DRC3: variants seen among roughly 807,000 people sequenced by gnomAD.
DRC3 encodes the protein dynein regulatory complex subunit 3.
DRC3 carries 45 observed loss-of-function variants against 57.6 expected under a neutral mutation model. The ratio of observed to expected loss-of-function variants is 0.78; its 90% CI spans 0.62 to 1.00. The LOEUF (loss-of-function observed/expected upper bound fraction) is 1.00. DRC3 is among the 50% of genes least tolerant of loss of function. The pLI is 0.00. For synonymous variants in DRC3, 257 were observed against 272.3 expected (o/e 0.94, Z 0.55); for missense variants, 655 against 675.2 (o/e 0.97, Z 0.33).
chr17:17,990,003 G>A (rs895086831), intron 5 of DRC3, among the ~76,000 whole-genome samples: 3 of 152,228 alleles, frequency 2.0e-5, no homozygotes, highest in Admixed American at 6.5e-5. Flanking sequence ...CTTCAAGGAC[G>A]TGAGTTCCTT....
intron 4 of DRC3, among the ~76,000 whole-genome samples, chr17:17,987,214 C>CAAAAAAAA (rs1046062123): frequency 2.2e-5 from 1 of 45,188 alleles, no homozygotes; most frequent in African/African-American, 9.4e-5. Context: ...GACCCTGTCT[C>CAAAAAAAA]AAAAAAAAAA....
Position 18,016,566 on chromosome 17 carries a change from GGAT to G in DRC3, c.1470_1472del (p.Asp490del), listed in dbSNP as rs2044371613. 1 of 1,611,720 alleles carries G rather than the reference GGAT, an allele frequency of 6.2e-7. No individual in the cohort carries two copies. The highest frequency in any genetic ancestry group is 8.5e-7 in the Non-Finnish European group (1 of 1,178,094). On this transcript the variant is annotated inframe_deletion, in exon 14 of 14. Coordinates refer to ENST00000399187, the MANE Select transcript of DRC3 (RefSeq NM_031294.4). Reference sequence around the variant, plus strand: ...TTGGTTTCACTCCTCAGATTCACAAGGATGAGATCATGAGGAACCGCAAGCGCG... The same window carrying G: ...TTGGTTTCACTCCTCAGATTCACAAGGAGATCATGAGGAACCGCAAGCGCG...
chr17:17,976,003 A>T (rs2042369641), intron 2 of DRC3, among the ~76,000 whole-genome samples: 1 of 152,134 alleles, frequency 6.6e-6, no homozygotes, highest in Admixed American at 6.5e-5. Context: ...GTATGGCCCA[A>T]CCTGGCTTTT....
intron 5 of DRC3, among the ~76,000 whole-genome samples, chr17:17,991,342 G>A (rs1385460559): frequency 5.0e-5 from 6 of 120,486 alleles, no homozygotes; most frequent in Non-Finnish European, 6.3e-5. Context: ...CCAGGCTGTA[G>A]TGCAGTGGTG....
chr17:17,992,173 G>C (rs1040289723), intron 5 of DRC3, among the ~76,000 whole-genome samples: 3 of 152,192 alleles, frequency 2.0e-5, no homozygotes, highest in African/African-American at 7.2e-5. Context: ...TACTCGGGAG[G>C]CTGAGGCACG....
At position 18,003,484 on chromosome 17, in the gene DRC3, TAAAAAAAAAAAAAAAA is replaced by T. The variant is rs71155309; in HGVS notation, c.1000-862_1000-847del. Among the ~76,000 whole-genome samples, 265 of 30,148 alleles carry T rather than the reference TAAAAAAAAAAAAAAAA, an allele frequency of 8.8e-3. 1 individual carries two copies. The highest frequency in any genetic ancestry group is 0.014 in the Admixed American group (25 of 1,760). 19.8% of individuals were successfully genotyped at this position (30,148 alleles called of 152,430 possible). On this transcript the variant is annotated intron_variant, in intron 9 of 13. Coordinates refer to ENST00000399187, the MANE Select transcript of DRC3 (RefSeq NM_031294.4). Reference sequence around the variant, plus strand: ...GGGTGACAGAGTGAGACTACGTCTTTAAAAAAAAAAAAAAAAAAAAAAAAAAAAAAAAGAATGGTTT... The same window carrying T: ...GGGTGACAGAGTGAGACTACGTCTTTAAAAAAAAAAAAAAAAGAATGGTTT...
At chr17:17,989,275 G>A (rs1362741406) in intron 5 of DRC3, among the ~76,000 whole-genome samples, 1 of 152,188 alleles carries the variant, frequency 6.6e-6, no homozygotes, top group Non-Finnish European at 1.5e-5. Context: ...CCTGGACGAG[G>A]TCAAAGGTGT....
chr17:18,013,984 G>A (rs1386532844), intron 12 of DRC3, among the ~76,000 whole-genome samples: 1 of 147,450 alleles, frequency 6.8e-6, no homozygotes, highest in Non-Finnish European at 1.5e-5. Context: ...CCAGGCTGTA[G>A]TGCAGTGGTG....
rs547044809 is a variant in DRC3 at position 17,987,928 on chromosome 17, C to T, written c.278-4C>T. On this transcript the variant is annotated splice_polypyrimidine_tract_variant and splice_region_variant and intron_variant, in intron 4 of 13. Transcript: ENST00000399187. ...AGACCCTCACAGCCCTCTCTTCTTC[C>T]CAGATCTGTCTTTCAACAACATTGA... 3 of 1,613,744 alleles carry T rather than the reference C, an allele frequency of 1.9e-6. No individual in the cohort carries two copies. In the African/African-American group the frequency reaches 4.0e-5, roughly 22 times the overall value.
At chr17:18,009,147 A>G (rs2044083346) in intron 12 of DRC3, among the ~76,000 whole-genome samples, 1 of 152,244 alleles carries the variant, frequency 6.6e-6, no homozygotes, top group Admixed American at 6.5e-5. Context: ...TGCTCTGACT[A>G]TATGAGTAAT....
At chr17:17,990,999 T>C (rs536818046) in intron 5 of DRC3, among the ~76,000 whole-genome samples, 2 of 151,826 alleles carry the variant, frequency 1.3e-5, no homozygotes, top group South Asian at 4.2e-4. Flanking sequence ...CTAAAAAAAA[T>C]AATAATAAAT....
rs778175185 is a variant in DRC3 at position 17,992,987 on chromosome 17, A to AT, written c.591+78dup. The AT allele has an allele frequency of 3.3e-6, 5 of 1,524,714 alleles. No homozygotes were observed. The South Asian group carries it at 4.6e-5, about 14-fold the overall frequency. 94.4% of individuals were successfully genotyped at this position (1,524,714 alleles called of 1,614,324 possible). Reference sequence around the variant, plus strand: ...CCCCCAGGTTTCTTGGAAAAGGGGCATTGAAGAGTAGCTTCCCCTGCCCAC... The same window carrying AT: ...CCCCCAGGTTTCTTGGAAAAGGGGCATTTGAAGAGTAGCTTCCCCTGCCCAC... On this transcript the variant is annotated intron_variant, in intron 6 of 13. Transcript: ENST00000399187.
intron 12 of DRC3, 90 bp downstream of exon 12, chr17:18,007,237 C>T: frequency 4.6e-6 from 3 of 652,046 alleles, no homozygotes; most frequent in East Asian, 8.4e-5. Context: ...GCCTGACAAC[C>T]TCCCAGAGCC....
chr17:17,975,568 T>C (rs971010782), intron 2 of DRC3, among the ~76,000 whole-genome samples: 1 of 123,964 alleles, frequency 8.1e-6, no homozygotes, highest in African/African-American at 3.1e-5. Flanking sequence ...CAGCCAAATA[T>C]AACACATTAA....
At chr17:18,012,974 A>G (rs1376244979) in intron 12 of DRC3, among the ~76,000 whole-genome samples, 2 of 152,184 alleles carry the variant, frequency 1.3e-5, no homozygotes, top group African/African-American at 4.8e-5. Flanking sequence ...CAAAAAAACA[A>G]ACAATTCAAT....
chr17:18,004,571 T>C, intron 10 of DRC3, 77 bp downstream of exon 10: 3 of 1,518,894 alleles, frequency 2.0e-6, no homozygotes, highest in South Asian at 1.2e-5. Context: ...GTAGCCTTCA[T>C]GGGCACGCCT....
rs1250578050 is a variant in DRC3 at position 17,994,360 on chromosome 17, T to G, written c.653T>G (p.Leu218Arg). 11 of 1,555,416 alleles carry G rather than the reference T, an allele frequency of 7.1e-6. No homozygotes were observed. Among genetic ancestry groups the G allele is most frequent in the African/African-American group, 1.4e-5 (1 of 73,262 alleles). ...GACGAGCTGAAGCACCAGGAGAACC[T>G]GATGCAGGCCCAGCTGGAGGACGAG... ...SIDELKHQENLMQAQLEDEQA... is the reference protein window; with the variant it reads ...SIDELKHQENRMQAQLEDEQA... The change falls in exon 7 of 14, where the codon CTG becomes CGG. Residue 218 changes from leucine (L) to arginine (R), a missense_variant. Physicochemically the swap from Leu to Arg is moderately radical, Grantham distance 102 (BLOSUM62 -2). Coordinates refer to ENST00000399187, the MANE Select transcript of DRC3 (RefSeq NM_031294.4).
Position 18,004,504 on chromosome 17 carries a change from G to A in DRC3, c.1131+10G>A, listed in dbSNP as rs1314096485. On this transcript the variant is annotated intron_variant, in intron 10 of 13. Transcript: ENST00000399187. ...GGTGGAGCAGCTGGAGGTAAGGCTGGGCCCTGGGCACAAGTGCCAGAATCT... is the reference window on the plus strand; with the variant it reads ...GGTGGAGCAGCTGGAGGTAAGGCTGAGCCCTGGGCACAAGTGCCAGAATCT... 1 of 1,608,030 alleles carries A rather than the reference G, an allele frequency of 6.2e-7. No individual in the cohort carries two copies. The highest frequency in any genetic ancestry group is 8.5e-7 in the Non-Finnish European group (1 of 1,177,450).
At chr17:17,990,109 A>C (rs1439771906) in intron 5 of DRC3, among the ~76,000 whole-genome samples, 1 of 152,196 alleles carries the variant, frequency 6.6e-6, no homozygotes, top group African/African-American at 2.4e-5. Flanking sequence ...TGCATCTAGC[A>C]GGATGGAGAG....
Sources: gnomAD v4.1 joint callset for allele counts (sites outside exome capture counted in the v4.1 genomes callset) on GRCh38, gnomAD v4.1.1 for gene constraint, MANE v1.5 for transcripts, NCBI Gene and HGNC (gene_info 2026-07-23, HGNC 2026-07-21) for gene names.